Variants in LIPJ observed in about 807,000 individuals in gnomAD.
LIPJ encodes the protein lipase family member J.
Under a neutral mutation model 39.8 loss-of-function variants are expected in LIPJ, and 33 were observed. The ratio of observed to expected loss-of-function variants is 0.83; its 90% CI spans 0.63 to 1.11. LIPJ has a LOEUF of 1.11. LIPJ is among the 50% of genes least tolerant of loss of function. LIPJ has a pLI of 0.00. For synonymous variants in LIPJ, 128 were observed against 139.2 expected, an observed-to-expected ratio of 0.92 and a Z score of 0.57; for missense variants, 422 against 427.9, an observed-to-expected ratio of 0.99 and a Z score of 0.12.
chr10:88,587,573 T>G (rs1245006485), intron 2 of LIPJ, among the ~76,000 whole-genome samples, 181 bp downstream of exon 2: 1 of 152,148 alleles, frequency 6.6e-6, no homozygotes, highest in East Asian at 1.9e-4. Flanking sequence ...TAAGTACTTT[T>G]GCTAAATGGG....
chr10:88,593,740 T>C (rs1012436786), intron 4 of LIPJ: 13 of 434,430 alleles, frequency 3.0e-5, no homozygotes, highest in Non-Finnish European at 5.3e-5. Flanking sequence ...ATTGCTCACT[T>C]GGTTATTTGA....
upstream of LIPJ, chr10:88,585,567 G>A (rs982271206): frequency 6.6e-6 from 1 of 151,724 alleles, no homozygotes; most frequent in African/African-American, 2.4e-5. Context: ...CACTGTGAAC[G>A]TTTAACATTT....
At chr10:88,605,726 C>T in intron 10 of LIPJ, 22 bp downstream of exon 10, 1 of 1,510,920 alleles carries the variant, frequency 6.6e-7, no homozygotes, top group East Asian at 2.3e-5. Flanking sequence ...TCTATAAAAA[C>T]TCTCTACCTT....
chr10:88,585,916 C>G (rs1590070955), upstream of LIPJ, among the ~76,000 whole-genome samples: 1 of 152,306 alleles, frequency 6.6e-6, no homozygotes, highest in East Asian at 1.9e-4. Flanking sequence ...AATATATTAT[C>G]ATCCTACAGT....
intron 2 of LIPJ, among the ~76,000 whole-genome samples, 170 bp downstream of exon 2, chr10:88,587,562 T>A (rs1181892274): frequency 6.6e-6 from 1 of 152,126 alleles, no homozygotes; most frequent in Non-Finnish European, 1.5e-5. Context: ...CATATTTTGT[T>A]TAAGTACTTT....
At chr10:88,593,422 A>T (rs1303187337) in intron 4 of LIPJ, 3 of 151,922 alleles carry the variant, frequency 2.0e-5, no homozygotes, top group Admixed American at 6.6e-5. Flanking sequence ...ATGTACAATA[A>T]ATCCTGAAGG....
At chr10:88,592,075 C>G (rs1358550299) in intron 4 of LIPJ, 1 of 151,744 alleles carries the variant, frequency 6.6e-6, no homozygotes, top group African/African-American at 2.4e-5. Flanking sequence ...AAATAAAAGC[C>G]AAGTATTTTC....
upstream of LIPJ, chr10:88,583,300 C>T (rs1235928363): frequency 8.8e-6 from 13 of 1,476,918 alleles, no homozygotes; most frequent in Non-Finnish European, 3.6e-6. Context: ...TCCGTGCTCC[C>T]TGGGCCGACC....
downstream of LIPJ, among the ~76,000 whole-genome samples, chr10:88,607,700 T>G (rs1319590702): frequency 6.6e-6 from 1 of 152,204 alleles, no homozygotes; most frequent in African/African-American, 2.4e-5. Flanking sequence ...GAAAGGATAC[T>G]GTCAATAAAT....
chr10:88,597,425 C>A (rs1851295365), intron 8 of LIPJ, among the ~76,000 whole-genome samples: 1 of 151,864 alleles, frequency 6.6e-6, no homozygotes, highest in African/African-American at 2.4e-5. Flanking sequence ...GGTACTATTA[C>A]CAAAACCTTT....
At chr10:88,611,527 A>G (rs1851751753), downstream of LIPJ, among the ~76,000 whole-genome samples, 1 of 152,204 alleles carries the variant, frequency 6.6e-6, no homozygotes, top group Admixed American at 6.5e-5. Context: ...GATGTAGAAT[A>G]AGAAAGGAAA....
intron 8 of LIPJ, among the ~76,000 whole-genome samples, chr10:88,597,402 T>C (rs875051): frequency 0.026 from 4,001 of 151,976 alleles, 80 homozygotes; most frequent in Middle Eastern, 0.048. Context: ...TGGGAAACTA[T>C]TGTGGTACTC....
chr10:88,598,736 T>C (rs1851344951), intron 8 of LIPJ, among the ~76,000 whole-genome samples: 1 of 151,784 alleles, frequency 6.6e-6, no homozygotes, highest in African/African-American at 2.4e-5. Context: ...TTGGGTTGTA[T>C]AAGCCTCTGA....
At chr10:88,609,645 A>G (rs1851725806), downstream of LIPJ, among the ~76,000 whole-genome samples, 1 of 152,210 alleles carries the variant, frequency 6.6e-6, no homozygotes, top group Non-Finnish European at 1.5e-5. Flanking sequence ...GCACGCCTGT[A>G]ATCCCAGCAC....
At chr10:88,602,638 T>C (rs142831608) in exon 9 of LIPJ, 135 of 1,550,640 alleles carry the variant, frequency 8.7e-5, no homozygotes, top group Middle Eastern at 3.5e-4. Flanking sequence ...ATATGCTTCA[T>C]TGGAGTCAGG....
intron 2 of LIPJ, 118 bp from the exon 3 acceptor site, chr10:88,590,467 T>C (rs1360788305): frequency 2.3e-6 from 1 of 429,582 alleles, no homozygotes; most frequent in African/African-American, 2.1e-5. Context: ...TCAAAGCCTC[T>C]GTTTTCTTAC....
At chr10:88,619,340 GT>G in the LIPJ span, among the ~76,000 whole-genome samples, 122 of 151,376 alleles carry the variant, frequency 8.1e-4, no homozygotes, top group African/African-American at 2.5e-3. Flanking sequence ...AGTATCTAAA[GT>G]TTTTTTTCTT....
intron 9 of LIPJ, among the ~76,000 whole-genome samples, chr10:88,605,426 G>A (rs1851629449): frequency 6.6e-6 from 1 of 151,996 alleles, no homozygotes; most frequent in African/African-American, 2.4e-5. Context: ...AAAGACAATG[G>A]AATTATTTCT....
chr10:88,596,329 A>C (rs981907376), exon 7 of LIPJ: 1 of 1,549,786 alleles, frequency 6.5e-7, no homozygotes, highest in Non-Finnish European at 8.7e-7. Flanking sequence ...GAATCAAAAT[A>C]TTTTTTGCTT....
Sources: allele counts gnomAD v4.1 joint callset (sites outside exome capture counted in the v4.1 genomes callset), GRCh38; gene constraint gnomAD v4.1.1; transcripts MANE v1.5; gene names NCBI Gene and HGNC (gene_info 2026-07-23, HGNC 2026-07-21).